Variants in ZNF385D observed in about 807,000 individuals in gnomAD.
ZNF385D encodes zinc finger protein 385D.
In ZNF385D, 15 loss-of-function variants were observed where a neutral mutation model predicts 35.8. The observed-to-expected ratio is 0.42, with a 90% CI of 0.28 to 0.64. ZNF385D has a LOEUF of 0.64. ZNF385D is among the 30% of genes least tolerant of loss of function. The pLI, the probability that ZNF385D is intolerant of heterozygous loss-of-function variation, is 0.23. For missense variants in ZNF385D, 474 were observed against 494.6 expected (o/e 0.96, Z 0.39); for synonymous variants, 212 against 186.8 (o/e 1.13, Z -1.10).
chr3:21,832,821 C>G (rs1029782652), intron 3 of ZNF385D, among the ~76,000 whole-genome samples: 2 of 152,138 alleles, frequency 1.3e-5, no homozygotes, highest in Admixed American at 6.6e-5. Flanking sequence ...TCTATGAGCT[C>G]TACTCTTTTT....
intron 1 of ZNF385D, among the ~76,000 whole-genome samples, chr3:21,682,555 T>C (rs1027781105): frequency 6.7e-6 from 1 of 150,274 alleles, no homozygotes; most frequent in South Asian, 2.1e-4. Context: ...CATTTTCAGG[T>C]CCTTTAATAG....
intron 3 of ZNF385D, among the ~76,000 whole-genome samples, chr3:21,817,878 G>C (rs13316753): frequency 0.096 from 14,559 of 152,164 alleles, 784 homozygotes; most frequent in South Asian, 0.12. Context: ...CACATGCACA[G>C]GTATGTTTAT....
Position 21,953,034 on chromosome 3 carries a change from T to C in ZNF385D, c.325+215783A>G, listed in dbSNP as rs148356612. On this transcript the variant is annotated intron_variant, in intron 3 of 5. Coordinates refer to the ZNF385D transcript ENST00000494108. Reference sequence around the variant, plus strand: ...AAAATCAAGATTGCAGGTATCTAGTTTCTTTATTTTCCAGCTTTATGTGCT... The same window carrying C: ...AAAATCAAGATTGCAGGTATCTAGTCTCTTTATTTTCCAGCTTTATGTGCT... Among the ~76,000 whole-genome samples, 976 of 152,080 alleles carry C rather than the reference T, an allele frequency of 6.4e-3. 10 individuals are homozygous for C. Among genetic ancestry groups the C allele is most frequent in the African/African-American group, 0.022 (920 of 41,530 alleles).
chr3:21,575,672 T>C lies in ZNF385D; in HGVS notation c.166-10988A>G, dbSNP rs551463036. Reference sequence around the variant, plus strand: ...CTTTTTGCTGAACTCTCATCTGACCTTCTTCAACCAGGCTAAGTCTTCCCA... The same window carrying C: ...CTTTTTGCTGAACTCTCATCTGACCCTCTTCAACCAGGCTAAGTCTTCCCA... On this transcript the variant is annotated intron_variant, in intron 2 of 7. Coordinates refer to ENST00000281523, the MANE Select transcript of ZNF385D (RefSeq NM_024697.3). 9.9e-5 allele frequency among the ~76,000 whole-genome samples: 15 copies of C among 152,256 alleles called. No homozygotes were observed. In the South Asian group the frequency reaches 2.9e-3, roughly 29 times the overall value.
At chr3:21,821,544 G>C (rs1484126797) in intron 3 of ZNF385D, among the ~76,000 whole-genome samples, 1 of 151,976 alleles carries the variant, frequency 6.6e-6, no homozygotes, top group African/African-American at 2.4e-5. Flanking sequence ...CAAAAAATTG[G>C]GCAATGGCTT....
intron 3 of ZNF385D, among the ~76,000 whole-genome samples, chr3:21,787,137 G>A (rs961833224): frequency 6.6e-6 from 1 of 152,124 alleles, no homozygotes; most frequent in Admixed American, 6.6e-5. Flanking sequence ...AAAAACACCT[G>A]ATAAAGCAAA....
intron 2 of ZNF385D, among the ~76,000 whole-genome samples, chr3:22,214,429 G>C (rs1439830335): frequency 1.3e-5 from 2 of 152,072 alleles, no homozygotes; most frequent in Non-Finnish European, 2.9e-5. Context: ...CAGGATAACA[G>C]CAATGTTCAG....
intron 3 of ZNF385D, among the ~76,000 whole-genome samples, chr3:22,071,525 C>A (rs1386770289): frequency 1.3e-5 from 2 of 152,164 alleles, no homozygotes; most frequent in Non-Finnish European, 2.9e-5. Flanking sequence ...GGCCTTTGCT[C>A]TAAGGAGCCA....
At chr3:21,519,218 G>T (rs1707767947) in intron 3 of ZNF385D, among the ~76,000 whole-genome samples, 9 of 152,106 alleles carry the variant, frequency 5.9e-5, no homozygotes. Flanking sequence ...TACACATGAA[G>T]AAGAGGAAGA....
chr3:21,477,886 A>G (rs538398047), intron 4 of ZNF385D, among the ~76,000 whole-genome samples: 1 of 152,296 alleles, frequency 6.6e-6, no homozygotes, highest in South Asian at 2.1e-4. Flanking sequence ...CCTATTTGTT[A>G]TCACCTACAT....
At chr3:21,677,780 A>G (rs984128333) in intron 1 of ZNF385D, among the ~76,000 whole-genome samples, 3 of 152,172 alleles carry the variant, frequency 2.0e-5, no homozygotes, top group Non-Finnish European at 2.9e-5. Context: ...GTTAATTTTC[A>G]TAGCAATTCT....
intron 3 of ZNF385D, among the ~76,000 whole-genome samples, chr3:21,990,515 T>G (rs1171317317): frequency 1.3e-5 from 2 of 152,210 alleles, no homozygotes; most frequent in Non-Finnish European, 2.9e-5. Flanking sequence ...AAAATTACTT[T>G]TATGAGTTAA....
At chr3:22,136,946 AGAGCACAGTG>A (rs1359693069) in intron 3 of ZNF385D, among the ~76,000 whole-genome samples, 9 of 152,314 alleles carry the variant, frequency 5.9e-5, no homozygotes, top group African/African-American at 2.2e-4. Flanking sequence ...ATGATTAGAT[AGAGCACAGTG>A]GATTTTTAGG....
At chr3:21,902,793 A>G (rs886490346) in intron 3 of ZNF385D, among the ~76,000 whole-genome samples, 21 of 152,210 alleles carry the variant, frequency 1.4e-4, no homozygotes, top group African/African-American at 4.6e-4. Flanking sequence ...ATACATATGC[A>G]TATGTAACTA....
intron 3 of ZNF385D, among the ~76,000 whole-genome samples, chr3:22,034,843 G>A (rs1217352202): frequency 6.6e-6 from 1 of 152,120 alleles, no homozygotes; most frequent in Non-Finnish European, 1.5e-5. Flanking sequence ...TATTCTAGGT[G>A]AAAGAAATGT....
chr3:21,464,743 A>AACACACACACACACACAC (rs6147726), intron 4 of ZNF385D, among the ~76,000 whole-genome samples: 3,215 of 150,272 alleles, frequency 0.021, 94 homozygotes, highest in African/African-American at 0.067. Flanking sequence ...AATAAATTAA[A>AACACACACACACACACAC]ACACACACAC....
At chr3:22,259,523 C>T (rs998981667) in intron 2 of ZNF385D, among the ~76,000 whole-genome samples, 2 of 151,926 alleles carry the variant, frequency 1.3e-5, no homozygotes, top group African/African-American at 2.4e-5. Flanking sequence ...AGCACCTTTC[C>T]TTGAGACAGC....
At chr3:21,914,566 A>T (rs1041154340) in intron 3 of ZNF385D, among the ~76,000 whole-genome samples, 7 of 152,060 alleles carry the variant, frequency 4.6e-5, no homozygotes, top group Admixed American at 1.3e-4. Flanking sequence ...TGAAGTCGAG[A>T]TACATAATTA....
intron 3 of ZNF385D, among the ~76,000 whole-genome samples, chr3:22,038,081 G>C (rs978328626): frequency 6.6e-6 from 1 of 152,140 alleles, no homozygotes; most frequent in Non-Finnish European, 1.5e-5. Flanking sequence ...ATTAATTCAA[G>C]ATGGATTAAA....
Sources: gnomAD v4.1 joint callset for allele counts (sites outside exome capture counted in the v4.1 genomes callset) on GRCh38, gnomAD v4.1.1 for gene constraint, MANE v1.5 for transcripts, NCBI Gene and HGNC (gene_info 2026-07-23, HGNC 2026-07-21) for gene names.